Variants in CD9 observed in about 807,000 individuals in gnomAD.
CD9 encodes CD9 molecule, also known as CD9 antigen.
In CD9, 10 loss-of-function variants were observed where a neutral mutation model predicts 31.4. That is an observed-to-expected ratio of 0.32 (90% CI 0.20 to 0.54). CD9 has a LOEUF of 0.54. Ranked by LOEUF, CD9 falls within the 20% of genes least tolerant of loss-of-function variation. The probability of loss-of-function intolerance (pLI) is 0.94; values close to 1 mark genes in which losing one functional copy is unlikely to be tolerated. For missense variants in CD9, 259 were observed against 300.1 expected, an observed-to-expected ratio of 0.86 and a Z score of 1.01; for synonymous variants, 113 against 114.1, an observed-to-expected ratio of 0.99 and a Z score of 0.06.
Position 6,236,239 on chromosome 12 carries a change from C to G in CD9, c.585C>G (p.Ile195Met). 1.9e-6 allele frequency: 3 copies of G among 1,614,242 alleles called. No individual in the cohort carries two copies. Among genetic ancestry groups the G allele is most frequent in the Non-Finnish European group, 1.7e-6 (2 of 1,180,044 alleles). The change falls in exon 7 of 8, where the codon ATC (isoleucine) becomes ATG (methionine). Residue 195 changes from isoleucine (I) to methionine (M), a missense_variant. Ile to Met is a conservative substitution (Grantham distance 10). Coordinates refer to ENST00000009180, the MANE Select transcript of CD9 (RefSeq NM_001769.4). ...IKEVFDNKFH[I>M]IGAVGIGIAV... ...AGGTCTTCGACAATAAATTCCACAT[C>G]ATCGGCGCAGTGGGCATCGGCATTG...
intron 6 of CD9, 43 bp downstream of exon 6, chr12:6,235,608 C>T (rs369844771): frequency 4.5e-6 from 7 of 1,565,696 alleles, no homozygotes; most frequent in Middle Eastern, 1.7e-4. Flanking sequence ...CCCCATTGCT[C>T]TGGACAAACC....
intron 4 of CD9, 78 bp from the exon 5 acceptor site, chr12:6,235,151 G>C (rs1009078358): frequency 1.9e-6 from 2 of 1,057,344 alleles, no homozygotes; most frequent in African/African-American, 3.1e-5. Context: ...GAGAGAACAA[G>C]ATGGAACGCA....
intron 1 of CD9, among the ~76,000 whole-genome samples, chr12:6,213,752 G>A (rs897453156): frequency 6.6e-6 from 1 of 152,160 alleles, no homozygotes; most frequent in Non-Finnish European, 1.5e-5. Flanking sequence ...GCCTGAGGGT[G>A]CAGCTTCCCA....
chr12:6,232,689 G>A lies in CD9; in HGVS notation c.233G>A (p.Cys78Tyr). Residue 78 changes from cysteine to tyrosine, a missense_variant, in exon 3 of 8, where the codon TGC becomes TAC. Coordinates refer to ENST00000009180, the MANE Select transcript of CD9 (RefSeq NM_001769.4). This position sits in a 1 kb window ranked among gnomAD's most constrained non-coding sequence, Gnocchi z 4.8. ...ALMMLVGFLG[C>Y]CGAVQESQCM... is the part of the protein sequence containing the mutation. ...ATGATGCTGGTGGGCTTCCTGGGCT[G>A]CTGCGGGGCTGTGCAGGAGTCCCAG... 6.3e-7 allele frequency: 1 copy of A among 1,578,478 alleles called. No homozygotes were observed. The highest frequency in any genetic ancestry group is 1.2e-5 in the South Asian group (1 of 86,644).
At chr12:6,230,809 G>A (rs569385918) in intron 2 of CD9, among the ~76,000 whole-genome samples, 1 of 152,352 alleles carries the variant, frequency 6.6e-6, no homozygotes, top group East Asian at 1.9e-4. Context: ...TGCCCAGTGT[G>A]GGCCAGGCAT....
At chr12:6,234,124 G>GC (rs1207382837) in intron 4 of CD9, among the ~76,000 whole-genome samples, 1 of 151,670 alleles carries the variant, frequency 6.6e-6, no homozygotes, top group Non-Finnish European at 1.5e-5. Context: ...TGAGAGATGC[G>GC]TTCAGGAGGA....
intron 6 of CD9, 27 bp from the exon 7 acceptor site, chr12:6,236,165 A>G: frequency 6.2e-7 from 1 of 1,613,672 alleles, no homozygotes; most frequent in Non-Finnish European, 8.5e-7. Flanking sequence ...ATTGTGTGTG[A>G]CCCAGGTCTT....
Position 6,215,795 on chromosome 12 carries a change from C to T in CD9, c.67-9631C>T, listed in dbSNP as rs11568217. Among the ~76,000 whole-genome samples the T allele has an allele frequency of 8.5e-3, 1,302 of 152,334 alleles. 25 individuals carry two copies. Among genetic ancestry groups the T allele is most frequent in the African/African-American group, 0.03 (1,251 of 41,570 alleles). ...AGTTAGTAATATGCCCTGTTGTCAT[C>T]TAGAAATTCCGCCATGAGCTATTAC... On this transcript the variant is annotated intron_variant, in intron 1 of 7. Transcript: ENST00000009180.
intron 1 of CD9, among the ~76,000 whole-genome samples, chr12:6,209,208 C>T (rs1946166365): frequency 6.6e-6 from 1 of 152,188 alleles, no homozygotes; most frequent in Non-Finnish European, 1.5e-5. Context: ...GATCCACCCA[C>T]CTCTGCCTCC....
Position 6,211,588 on chromosome 12 carries a change from C to T in CD9, c.66+11023C>T, listed in dbSNP as rs11568211. On this transcript the variant is annotated intron_variant, in intron 1 of 7. Coordinates refer to ENST00000009180, the MANE Select transcript of CD9 (RefSeq NM_001769.4). ...ACTCTGCAGATGGAATGAGAGCAAG[C>T]TGCTGCAAGTGGCTAGAGTGTGTCA... Among the ~76,000 whole-genome samples, 381 of 152,350 alleles carry T rather than the reference C, an allele frequency of 2.5e-3. 2 individuals are homozygous for T. Among genetic ancestry groups the T allele is most frequent in the African/African-American group, 8.8e-3 (365 of 41,588 alleles).
chr12:6,237,108 T>A (rs1480471989), intron 7 of CD9, among the ~76,000 whole-genome samples: 1 of 152,124 alleles, frequency 6.6e-6, no homozygotes, highest in Non-Finnish European at 1.5e-5. Flanking sequence ...GCCTCCCGAG[T>A]AGCTGGGACT....
chr12:6,230,942 C>T (rs554464512), intron 2 of CD9, among the ~76,000 whole-genome samples: 1 of 152,346 alleles, frequency 6.6e-6, no homozygotes, highest in African/African-American at 2.4e-5. Flanking sequence ...GCATTCTGCT[C>T]TGTGCTGCCC....
intron 1 of CD9, among the ~76,000 whole-genome samples, chr12:6,222,236 C>G (rs1225918896): frequency 2.0e-5 from 3 of 152,194 alleles, no homozygotes; most frequent in Non-Finnish European, 2.9e-5. Context: ...AATGGGGCAG[C>G]TGATGGTTCA....
Position 6,233,499 on chromosome 12 carries a change from CA to C in CD9, c.348+14del. The stretch of plus-strand genomic sequence containing the variant: ...CCACAAGGATGAGGTAGGTTTTTCC[CA>C]TGAGATCTCTTGGGTTTGGGAGTTG... On this transcript the variant is annotated intron_variant, in intron 4 of 7. Coordinates refer to ENST00000009180, the MANE Select transcript of CD9 (RefSeq NM_001769.4). 1 of 1,602,968 alleles carries C rather than the reference CA, an allele frequency of 6.2e-7. No individual in the cohort carries two copies. Among genetic ancestry groups the C allele is most frequent in the Non-Finnish European group, 8.5e-7 (1 of 1,169,866 alleles).
rs1316473798 is a variant in CD9, at chr12:6,200,403, C to T, written c.-97C>T. Reference sequence around the variant, plus strand: ...GTGCAGCCGGAGACCAGCCTACAGCCGCCTGCATCTGTATCCAGCGCCAGG... The same window carrying T: ...GTGCAGCCGGAGACCAGCCTACAGCTGCCTGCATCTGTATCCAGCGCCAGG... On this transcript the variant is annotated 5_prime_UTR_variant, in exon 1 of 8. Transcript: ENST00000009180. The T allele has an allele frequency of 7.7e-6, 6 of 782,516 alleles. No homozygotes were observed. Among genetic ancestry groups the T allele is most frequent in the South Asian group, 2.8e-5 (2 of 70,586 alleles). The allele number at this position is 782,516 out of a possible 1,614,324, so 48.5% of individuals were successfully genotyped here.
At position 6,233,478 on chromosome 12, in the gene CD9, A is replaced by C; in HGVS notation, c.340A>C (p.Lys114Gln). 6.2e-7 allele frequency: 1 copy of C among 1,612,920 alleles called. No homozygotes were observed. The highest frequency in any genetic ancestry group is 8.5e-7 in the Non-Finnish European group (1 of 1,178,968). The change falls in exon 4 of 8, where the codon AAG becomes CAG. Residue 114 changes from lysine to glutamine, a missense_variant. Transcript: ENST00000009180. ...IAAAIWGYSH[K>Q]DEVIKEVQEF... ...TGCGGCCATCTGGGGATATTCCCACAAGGATGAGGTAGGTTTTTCCCATGA... is the reference window on the plus strand; with the variant it reads ...TGCGGCCATCTGGGGATATTCCCACCAGGATGAGGTAGGTTTTTCCCATGA...
intron 1 of CD9, among the ~76,000 whole-genome samples, chr12:6,209,186 C>G (rs1946166173): frequency 6.6e-6 from 1 of 152,142 alleles, no homozygotes; most frequent in African/African-American, 2.4e-5. Flanking sequence ...CCAGGCTGGT[C>G]TCACCTCAGG....
At chr12:6,200,320 T>TC, upstream of CD9, 1 of 372,600 alleles carries the variant, frequency 2.7e-6, no homozygotes, top group Non-Finnish European at 4.8e-6. Flanking sequence ...GGGCGGCTTT[T>TC]CCCGGCACAT....
chr12:6,232,680 T>C lies in CD9; in HGVS notation c.224T>C (p.Phe75Ser). The change falls in exon 3 of 8, where the codon TTC becomes TCC. Residue 75 changes from phenylalanine to serine, a missense_variant. Coordinates refer to ENST00000009180, the MANE Select transcript of CD9 (RefSeq NM_001769.4). The surrounding 1 kb of genome is among the most constrained non-coding windows in gnomAD (Gnocchi z 4.8). ...GGCGCCCTCATGATGCTGGTGGGCT[T>C]CCTGGGCTGCTGCGGGGCTGTGCAG... ...GAGALMMLVG[F>S]LGCCGAVQES... The C allele has an allele frequency of 1.3e-6, 2 of 1,582,260 alleles. No individual in the cohort carries two copies. Among genetic ancestry groups the C allele is most frequent in the Non-Finnish European group, 1.7e-6 (2 of 1,167,362 alleles).
Sources: gnomAD v4.1 joint callset for allele counts (sites outside exome capture counted in the v4.1 genomes callset) on GRCh38, gnomAD v4.1.1 for gene constraint, Gnocchi (gnomAD v3.1) non-coding constraint, MANE v1.5 for transcripts, NCBI Gene and HGNC (gene_info 2026-07-23, HGNC 2026-07-21) for gene names.